Variants in BAD observed in about 807,000 individuals in gnomAD.
BAD encodes the protein BCL2 associated agonist of cell death.
Under a neutral mutation model 17.8 loss-of-function variants are expected in BAD, and 18 were observed. The ratio of observed to expected loss-of-function variants is 1.01; its 90% CI spans 0.70 to 1.50. BAD has a LOEUF of 1.50. Among genes scored for constraint, BAD ranks in the 40% most tolerant of loss-of-function variants. The pLI is 0.00. For missense variants in BAD, 294 were observed against 239.3 expected (o/e 1.23, Z -1.51); for synonymous variants, 112 against 91.5 (o/e 1.22, Z -1.28).
chr11:64,283,927 GCC>G (rs982431119), intron 2 of BAD, among the ~76,000 whole-genome samples: 8 of 152,184 alleles, frequency 5.3e-5, no homozygotes, highest in African/African-American at 1.9e-4. Context: ...GAGCCACCAC[GCC>G]CGGCAGCAAC....
At chr11:64,273,094 C>T (rs1371089231) in intron 2 of BAD, among the ~76,000 whole-genome samples, 10 of 152,332 alleles carry the variant, frequency 6.6e-5, no homozygotes, top group Admixed American at 4.6e-4. Flanking sequence ...GAAGGCCAGA[C>T]GTGGTGGCTC....
chr11:64,283,889 C>T (rs1164420713), intron 2 of BAD, among the ~76,000 whole-genome samples: 1 of 152,196 alleles, frequency 6.6e-6, no homozygotes, highest in Non-Finnish European at 1.5e-5. Context: ...CCTGCCTTGG[C>T]CTCCCAAAGT....
At chr11:64,284,091 GC>G in intron 2 of BAD, 90 bp downstream of exon 2, 1 of 1,441,156 alleles carries the variant, frequency 6.9e-7, no homozygotes, top group East Asian at 2.3e-5. Context: ...CCGACCCAAA[GC>G]ATTCAGTGCC....
At position 64,270,085 on chromosome 11, in the gene BAD, C is replaced by T; in HGVS notation, c.*124G>A. 6.7e-7 allele frequency: 1 copy of T among 1,489,664 alleles called. No homozygotes were observed. Among genetic ancestry groups the T allele is most frequent in the South Asian group, 1.2e-5 (1 of 83,664 alleles). 92.3% of individuals were successfully genotyped at this position (1,489,664 alleles called of 1,614,324 possible). On this transcript the variant is annotated 3_prime_UTR_variant, in exon 4 of 4. Transcript: ENST00000309032. The stretch of plus-strand genomic sequence containing the variant: ...CCGGAAGGGAATCTGGGTCAGCCCT[C>T]CCTCCAAAGGAGACAGCACGGATCC...
Position 64,269,850 on chromosome 11 carries a change from T to C in BAD, c.*359A>G, listed in dbSNP as rs1392581645. 1.4e-6 allele frequency: 1 copy of C among 696,392 alleles called. No homozygotes were observed. The highest frequency in any genetic ancestry group is 2.0e-5 in the Admixed American group (1 of 49,686). 43.1% of individuals were successfully genotyped at this position (696,392 alleles called of 1,614,324 possible). A position where few individuals can be genotyped will look rare whatever the true frequency, so the allele number is the denominator to read the frequency against. ...GCCTCGGCGGCACAGACGCGGGCTT[T>C]ATTAACATTTGGTAGTGAGCACGGC... On this transcript the variant is annotated 3_prime_UTR_variant, in exon 4 of 4. Coordinates refer to ENST00000309032, the MANE Select transcript of BAD (RefSeq NM_032989.3).
chr11:64,283,393 C>G (rs2033614794), intron 2 of BAD, among the ~76,000 whole-genome samples: 1 of 152,194 alleles, frequency 6.6e-6, no homozygotes, highest in Non-Finnish European at 1.5e-5. Context: ...GTTCCAGGTG[C>G]CAAGGCCAGT....
chr11:64,284,453 CT>C (rs1565353603), intron 1 of BAD, 77 bp from the exon 2 acceptor site: 11 of 1,600,034 alleles, frequency 6.9e-6, no homozygotes, highest in African/African-American at 1.3e-5. Flanking sequence ...GCAGGTACCC[CT>C]GGCTTCCTCT....
intron 3 of BAD, 107 bp downstream of exon 3, chr11:64,271,506 G>A: frequency 8.6e-7 from 1 of 1,168,356 alleles, no homozygotes; most frequent in Non-Finnish European, 1.1e-6. Flanking sequence ...CTTTGGGGAG[G>A]GGTCGTGGGA....
At chr11:64,280,230 G>T (rs2033360884) in intron 2 of BAD, among the ~76,000 whole-genome samples, 1 of 150,814 alleles carries the variant, frequency 6.6e-6, no homozygotes, top group Non-Finnish European at 1.5e-5. Flanking sequence ...TGAGGCAGGA[G>T]AATGGCGTGA....
chr11:64,270,007 G>C lies in BAD; in HGVS notation c.*202C>G. 9.8e-7 allele frequency: 1 copy of C among 1,024,546 alleles called. No individual in the cohort carries two copies. Among genetic ancestry groups the C allele is most frequent in the East Asian group, 2.6e-5 (1 of 38,484 alleles). The allele number at this position is 1,024,546 out of a possible 1,614,324, so 63.5% of individuals were successfully genotyped here. A position where few individuals can be genotyped will look rare whatever the true frequency, so the allele number is the denominator to read the frequency against. ...ACGGAGCCACTTCCGGCGGCTGTGG[G>C]CGGAAAACCCAAAACTTCCGATGGG... On this transcript the variant is annotated 3_prime_UTR_variant, in exon 4 of 4. Transcript: ENST00000309032.
Position 64,271,685 on chromosome 11 carries a change from G to C in BAD, c.306C>G (p.Pro102=), listed in dbSNP as rs756625685. Residue 102 remains proline (P), a synonymous_variant, in exon 3 of 4, where the codon CCC becomes CCG. Coordinates refer to ENST00000309032, the MANE Select transcript of BAD (RefSeq NM_032989.3). ...CATAGCGCTGTGCTGCCCAGAGGTT[G>C]GGGGGCGCCGAGCGCGAGCGGCCCC... ...PFRGRSRSAP[P]NLWAAQRYGR... The C allele has an allele frequency of 1.2e-5, 17 of 1,477,160 alleles. No individual in the cohort carries two copies. The highest frequency in any genetic ancestry group is 5.3e-5 in the South Asian group (4 of 75,612). 91.5% of individuals were successfully genotyped at this position (1,477,160 alleles called of 1,614,324 possible). A position where few individuals can be genotyped will look rare whatever the true frequency, so the allele number is the denominator to read the frequency against.
At chr11:64,279,403 C>T (rs12360984) in intron 2 of BAD, among the ~76,000 whole-genome samples, 1 of 152,182 alleles carries the variant, frequency 6.6e-6, no homozygotes, top group Admixed American at 6.5e-5. Flanking sequence ...AAGCACAACT[C>T]TGGTTCAGAC....
intron 2 of BAD, among the ~76,000 whole-genome samples, chr11:64,279,968 G>C (rs1388177045): frequency 6.6e-6 from 1 of 151,860 alleles, no homozygotes; most frequent in African/African-American, 2.4e-5. Context: ...AGGATCACTT[G>C]GGGCCAGGAG....
At chr11:64,274,992 CAAAAAAAAAA>C (rs34418386) in intron 2 of BAD, among the ~76,000 whole-genome samples, 1 of 54,406 alleles carries the variant, frequency 1.8e-5, no homozygotes, top group African/African-American at 9.2e-5. Flanking sequence ...GACTTTGTCT[CAAAAAAAAAA>C]AAAAAAAAAA....
At chr11:64,270,975 G>GACACAC (rs60182778) in intron 3 of BAD, among the ~76,000 whole-genome samples, 1 of 14,598 alleles carries the variant, frequency 6.9e-5, no homozygotes, top group African/African-American at 1.8e-4. Flanking sequence ...CATGCCCTGT[G>GACACAC]ACACACACAC....
In BAD at chr11:64,280,358, A is replaced by ATAAT. The variant is rs1555069795; in HGVS notation, c.187+3823_187+3824insATTA. 7.9e-3 allele frequency among the ~76,000 whole-genome samples: 1,047 copies of ATAAT among 132,244 alleles called. 6 individuals carry two copies. The highest frequency in any genetic ancestry group is 0.012 in the Non-Finnish European group (747 of 62,476). The allele number at this position is 132,244 out of a possible 152,430, so 86.8% of individuals were successfully genotyped here. ...AATAATAATAATAATAATAATAATAATTTTTTTTTTTGAGACGGAGTCTTG... is the reference window on the plus strand; with the variant it reads ...AATAATAATAATAATAATAATAATAATAATTTTTTTTTTTTGAGACGGAGTCTTG... On this transcript the variant is annotated intron_variant, in intron 2 of 3. Coordinates refer to ENST00000309032, the MANE Select transcript of BAD (RefSeq NM_032989.3).
chr11:64,273,265 C>T (rs1295750057), intron 2 of BAD, among the ~76,000 whole-genome samples: 1 of 151,960 alleles, frequency 6.6e-6, no homozygotes, highest in Admixed American at 6.6e-5. Flanking sequence ...CCCAGCCACT[C>T]AGGAGGCTGA....
chr11:64,279,972 C>T (rs1003933143), intron 2 of BAD, among the ~76,000 whole-genome samples: 45 of 150,200 alleles, frequency 3.0e-4, no homozygotes, highest in African/African-American at 1.1e-3. Context: ...TCACTTGGGG[C>T]CAGGAGCTCA....
chr11:64,277,082 CA>C (rs1359422089), intron 2 of BAD: 1 of 694,420 alleles, frequency 1.4e-6, no homozygotes. Flanking sequence ...CACTTAATTA[CA>C]AGACACTTGC....
Sources: gnomAD v4.1 joint callset for allele counts (sites outside exome capture counted in the v4.1 genomes callset) on GRCh38, gnomAD v4.1.1 for gene constraint, MANE v1.5 for transcripts, NCBI Gene and HGNC (gene_info 2026-07-23, HGNC 2026-07-21) for gene names.